The following NUP85 variants were observed in gnomAD, a reference collection of about 807,000 sequenced individuals.
The protein encoded by NUP85 is nuclear pore complex protein Nup85.
Under a neutral mutation model 92.8 loss-of-function variants are expected in NUP85, and 23 were observed. That is an observed-to-expected ratio of 0.25 (90% CI 0.18 to 0.35). NUP85 has a LOEUF of 0.35. Ranked by LOEUF, NUP85 falls within the 10% of genes least tolerant of loss-of-function variation. The pLI, the probability that NUP85 is intolerant of heterozygous loss-of-function variation, is 1.00. For synonymous variants in NUP85, 314 were observed against 306.9 expected, an observed-to-expected ratio of 1.02 and a Z score of -0.24; for missense variants, 759 against 822.8, an observed-to-expected ratio of 0.92 and a Z score of 0.95.
intron 1 of NUP85, 32 bp downstream of exon 1, chr17:75,205,826 T>C (rs1598251727): frequency 6.2e-7 from 1 of 1,613,418 alleles, no homozygotes. Flanking sequence ...TTGCTCGTCC[T>C]TGCGGGTTGA....
intron 1 of NUP85, 62 bp from the exon 2 acceptor site, chr17:75,208,465 A>T: frequency 1.2e-6 from 1 of 827,768 alleles, no homozygotes; most frequent in East Asian, 2.5e-5. Flanking sequence ...AAAAAAAAGA[A>T]TGGAACAACT....
chr17:75,212,238 T>TTTTGTTG (rs1568069549), intron 4 of NUP85, among the ~76,000 whole-genome samples, 176 bp downstream of exon 4: 20 of 7,984 alleles, frequency 2.5e-3, no homozygotes, highest in African/African-American at 3.2e-3. Context: ...GGTTTTTTTT[T>TTTTGTTG]TTGTTGTTGT....
intron 7 of NUP85, among the ~76,000 whole-genome samples, chr17:75,221,609 C>T (rs1053751300): frequency 2.0e-5 from 3 of 152,142 alleles, no homozygotes; most frequent in African/African-American, 7.2e-5. Flanking sequence ...GATAATAATA[C>T]CTGTCCCATG....
chr17:75,205,962 A>G (rs1465691458), intron 1 of NUP85, among the ~76,000 whole-genome samples, 168 bp downstream of exon 1: 4 of 151,670 alleles, frequency 2.6e-5, no homozygotes, highest in Non-Finnish European at 5.9e-5. Flanking sequence ...TGCCCGCCCT[A>G]GGGTCGCAGT....
At position 75,233,748 on chromosome 17, in the gene NUP85, G is replaced by A. The variant is rs539752703; in HGVS notation, c.1615+590G>A. ...CAAGTAGCTGGGACTACAGGCGCACGCCACCACACCCAGCTAATTTTTTGT... is the reference window on the plus strand; with the variant it reads ...CAAGTAGCTGGGACTACAGGCGCACACCACCACACCCAGCTAATTTTTTGT... On this transcript the variant is annotated intron_variant, in intron 16 of 18. Coordinates refer to ENST00000245544, the MANE Select transcript of NUP85 (RefSeq NM_024844.5). 1.4e-4 allele frequency among the ~76,000 whole-genome samples: 21 copies of A among 152,028 alleles called. No individual in the cohort carries two copies. The South Asian group carries it at 1.7e-3, about 12-fold the overall frequency.
At chr17:75,225,980 T>C (rs2075778995) in intron 10 of NUP85, 71 bp from the exon 11 acceptor site, 2 of 1,603,840 alleles carry the variant, frequency 1.2e-6, no homozygotes, top group East Asian at 2.2e-5. Context: ...GGGTTCGTTA[T>C]ACAGCAGCCC....
Position 75,231,792 on chromosome 17 carries a change from C to T in NUP85, c.1245-36C>T. 6.2e-7 allele frequency: 1 copy of T among 1,611,752 alleles called. No individual in the cohort carries two copies. The highest frequency in any genetic ancestry group is 1.1e-5 in the South Asian group (1 of 90,910). Reference sequence around the variant, plus strand: ...GGTGCCAGTCCTCGGAGCCATGAGGCAGCACCTCATGTCTGTCCTCCTCGA... The same window carrying T: ...GGTGCCAGTCCTCGGAGCCATGAGGTAGCACCTCATGTCTGTCCTCCTCGA... On this transcript the variant is annotated intron_variant, in intron 13 of 18. Transcript: ENST00000245544. This position sits in a 1 kb window ranked among gnomAD's most constrained non-coding sequence, Gnocchi z 4.6.
In NUP85 at chr17:75,235,315, G is replaced by C. The variant is rs58747445; in HGVS notation, c.1869+114G>C. On this transcript the variant is annotated intron_variant, in intron 18 of 18. Coordinates refer to ENST00000245544, the MANE Select transcript of NUP85 (RefSeq NM_024844.5). ...GGCTCCTATGGACACATGTGCCTCT[G>C]TTCCCCTTAACCTGTGTAATTCACA... 1,197 of 724,720 alleles carry C rather than the reference G, an allele frequency of 1.7e-3. 10 individuals are homozygous for C. The African/African-American group carries it at 0.019, about 11-fold the overall frequency. 44.9% of individuals were successfully genotyped at this position (724,720 alleles called of 1,614,324 possible).
chr17:75,228,628 CG>C (rs1183947186), intron 11 of NUP85: 1 of 985,362 alleles, frequency 1.0e-6, no homozygotes, highest in East Asian at 1.1e-4. Context: ...CAGTTCTGGG[CG>C]GCAGGGAAGT....
Position 75,231,549 on chromosome 17 carries a change from G to T in NUP85, c.1179-24G>T. ...TGAACAGGGCAGGCCAGGAGTCTTG[G>T]TCTTTTGTTATGTTTTATTCCAGTT... On this transcript the variant is annotated intron_variant, in intron 12 of 18. Transcript: ENST00000245544. This position sits in a 1 kb window ranked among gnomAD's most constrained non-coding sequence, Gnocchi z 4.6. The T allele has an allele frequency of 6.2e-7, 1 of 1,614,072 alleles. No individual in the cohort carries two copies. Among genetic ancestry groups the T allele is most frequent in the South Asian group, 1.1e-5 (1 of 91,082 alleles).
At position 75,226,063 on chromosome 17, in the gene NUP85, C is replaced by G; in HGVS notation, c.1000C>G (p.Leu334Val). 1 of 1,614,138 alleles carries G rather than the reference C, an allele frequency of 6.2e-7. No individual in the cohort carries two copies. Among genetic ancestry groups the G allele is most frequent in the Non-Finnish European group, 8.5e-7 (1 of 1,180,014 alleles). Residue 334 changes from leucine to valine, a missense_variant, in exon 11 of 19, where the codon CTG (leucine) becomes GTG (valine). Physicochemically the swap from Leu to Val is conservative, Grantham distance 32. Transcript: ENST00000245544. ...CACCTTTCCACAGTCCAGCCTGGACCTGTTTCTGGGAGGTGAGAGCAGCCC... is the reference window on the plus strand; with the variant it reads ...CACCTTTCCACAGTCCAGCCTGGACGTGTTTCTGGGAGGTGAGAGCAGCCC... ...LHYYAQSSLD[L>V]FLGGESSPEP...
intron 16 of NUP85, 79 bp from the exon 17 acceptor site, chr17:75,234,558 G>T: frequency 6.8e-7 from 1 of 1,480,664 alleles, no homozygotes. Context: ...CCTGTTTAGG[G>T]CCAGGGTGAC....
intron 11 of NUP85, chr17:75,228,922 T>C (rs1417875423): frequency 1.7e-5 from 17 of 985,322 alleles, no homozygotes; most frequent in Non-Finnish European, 2.0e-5. Flanking sequence ...GTGGGCATGC[T>C]TGACTGCTAA....
intron 7 of NUP85, among the ~76,000 whole-genome samples, chr17:75,222,495 ATTTTTTTTTTTTTTTTTTT>A (rs578181379): frequency 1.2e-5 from 1 of 83,430 alleles, no homozygotes; most frequent in East Asian, 3.6e-4. Flanking sequence ...TATATTTGTG[ATTTTTTTTTTTTTTTTTTT>A]TTTTTTTTTT....
chr17:75,219,554 G>A (rs2075537142), intron 7 of NUP85, among the ~76,000 whole-genome samples: 1 of 152,188 alleles, frequency 6.6e-6, no homozygotes, highest in African/African-American at 2.4e-5. Flanking sequence ...AACTGCAAGT[G>A]TGAGCCACCA....
chr17:75,212,780 CAA>C (rs1377995571), intron 4 of NUP85, among the ~76,000 whole-genome samples: 2 of 152,024 alleles, frequency 1.3e-5, no homozygotes, highest in East Asian at 1.9e-4. Flanking sequence ...ATCAGCCTCC[CAA>C]AGTGTCGGGA....
At position 75,225,195 on chromosome 17, in the gene NUP85, C is replaced by A; in HGVS notation, c.690C>A (p.Cys230Ter). ...ADASPASAGI[C>*]RIMGDLMRTM... Reference sequence around the variant, plus strand: ...CCAGCCCCGCCTCTGCAGGCATATGCCGAATCATGGGGGACCTGATGAGGA... The same window carrying A: ...CCAGCCCCGCCTCTGCAGGCATATGACGAATCATGGGGGACCTGATGAGGA... Residue 230 changes from cysteine to a stop codon, truncating the protein, a stop_gained, in exon 8 of 19, where the codon TGC becomes TGA. Coordinates refer to ENST00000245544, the MANE Select transcript of NUP85 (RefSeq NM_024844.5). LOFTEE classifies it high-confidence loss of function. 1 of 1,609,872 alleles carries A rather than the reference C, an allele frequency of 6.2e-7. No individual in the cohort carries two copies. The highest frequency in any genetic ancestry group is 8.5e-7 in the Non-Finnish European group (1 of 1,177,252).
At position 75,234,765 on chromosome 17, in the gene NUP85, T is replaced by A. The variant is rs1267793838; in HGVS notation, c.1744T>A (p.Leu582Met). Residue 582 changes from leucine (L) to methionine (M), a missense_variant, in exon 17 of 19, where the codon TTG becomes ATG. By Grantham distance (15) the Leu-to-Met change is conservative (BLOSUM62 2). Coordinates refer to ENST00000245544, the MANE Select transcript of NUP85 (RefSeq NM_024844.5). Reference sequence around the variant, plus strand: ...CTGGATGACTCTGCTGACAGACGCCTTGCCCCTTTTGGAACAGAAACAGGT... The same window carrying A: ...CTGGATGACTCTGCTGACAGACGCCATGCCCCTTTTGGAACAGAAACAGGT... ...SFWMTLLTDA[L>M]PLLEQKQVIF... 1 of 1,614,062 alleles carries A rather than the reference T, an allele frequency of 6.2e-7. No homozygotes were observed. The highest frequency in any genetic ancestry group is 1.3e-5 in the African/African-American group (1 of 74,946).
Position 75,225,717 on chromosome 17 carries a change from C to G in NUP85, c.875C>G (p.Ala292Gly), listed in dbSNP as rs1426288651. Reference sequence around the variant, plus strand: ...CCTCAGATTATGCTGGGAGACGAAGCTGCCTTGTTAGAGCAGAAGGAACTT... The same window carrying G: ...CCTCAGATTATGCTGGGAGACGAAGGTGCCTTGTTAGAGCAGAAGGAACTT... ...SLLKIMLGDE[A>G]ALLEQKELLS... Residue 292 changes from alanine (A) to glycine (G), a missense_variant, in exon 10 of 19, where the codon GCT (alanine) becomes GGT (glycine). Ala to Gly is a moderately conservative substitution (Grantham distance 60). Transcript: ENST00000245544. The G allele has an allele frequency of 5.6e-6, 9 of 1,614,198 alleles. No homozygotes were observed. The highest frequency in any genetic ancestry group is 1.7e-5 in the Admixed American group (1 of 60,024).
Sources: allele counts gnomAD v4.1 joint callset (sites outside exome capture counted in the v4.1 genomes callset), GRCh38; gene constraint gnomAD v4.1.1; non-coding constraint Gnocchi (gnomAD v3.1); transcripts MANE v1.5; gene names NCBI Gene and HGNC (gene_info 2026-07-23, HGNC 2026-07-21).